Variants in ARRB1 observed in about 807,000 individuals in gnomAD.
The protein encoded by ARRB1 is beta-arrestin-1.
ARRB1 carries 21 observed loss-of-function variants against 56.8 expected under a neutral mutation model. The ratio of observed to expected loss-of-function variants is 0.37; its 90% CI spans 0.26 to 0.53. The LOEUF (loss-of-function observed/expected upper bound fraction) is 0.53, where lower values mean the gene tolerates loss of function less well. Among genes scored for constraint, ARRB1 ranks in the 20% least tolerant of loss-of-function variants. ARRB1 has a pLI of 0.88. For missense variants in ARRB1, 424 were observed against 553.7 expected (o/e 0.77, Z 2.35); for synonymous variants, 210 against 218.6 (o/e 0.96, Z 0.35).
intron 1 of ARRB1, among the ~76,000 whole-genome samples, chr11:75,343,758 G>A (rs1947724845): frequency 6.6e-6 from 1 of 152,040 alleles, no homozygotes; most frequent in South Asian, 2.1e-4. Context: ...GTGCCCAGAG[G>A]AGGCCCCAGA....
At chr11:75,309,337 G>C (rs1428221401) in intron 1 of ARRB1, among the ~76,000 whole-genome samples, 1 of 152,260 alleles carries the variant, frequency 6.6e-6, no homozygotes, top group Non-Finnish European at 1.5e-5. Context: ...TCATTCATTT[G>C]AGAACTTGCC....
rs139084128 is a variant in ARRB1, at chr11:75,341,141, T to G, written c.20+10447A>C. Among the ~76,000 whole-genome samples, 28 of 152,118 alleles carry G rather than the reference T, an allele frequency of 1.8e-4. No homozygotes were observed. The East Asian group carries it at 5.4e-3, about 30-fold the overall frequency. On this transcript the variant is annotated intron_variant, in intron 1 of 15. Transcript: ENST00000420843. The stretch of plus-strand genomic sequence containing the variant: ...CTCAGTCTTGAATGATGATGGCTTT[T>G]TTGTTGTTGTTGTTGAGACAGAGTC...
intron 6 of ARRB1, 36 bp downstream of exon 6, chr11:75,281,926 T>C: frequency 6.2e-7 from 1 of 1,607,816 alleles, no homozygotes; most frequent in East Asian, 2.2e-5. Flanking sequence ...ATGAGACTCC[T>C]GGAGCCAGAG....
chr11:75,302,781 GA>G (rs1441485983), intron 1 of ARRB1, among the ~76,000 whole-genome samples: 8 of 152,144 alleles, frequency 5.3e-5, no homozygotes, highest in African/African-American at 1.7e-4. Context: ...ATGATACTAT[GA>G]AATTGTCATC....
At chr11:75,351,490 C>A in intron 1 of ARRB1, 98 bp downstream of exon 1, 1 of 1,476,214 alleles carries the variant, frequency 6.8e-7, no homozygotes, top group Non-Finnish European at 9.0e-7. Flanking sequence ...CCCGCGGTGG[C>A]CGCGAACGCA....
chr11:75,283,320 C>T lies in ARRB1; in HGVS notation c.321G>A (p.Lys107=). ...TGAAAGGGTAAGCGTGCTCGCCCAG[C>T]TTCTTGATGAGGCGTTCCTGCAGCC... ...LTRLQERLIK[K]LGEHAYPFTF... Residue 107 remains lysine, a synonymous_variant, in exon 5 of 16, where the codon AAG becomes AAA. Transcript: ENST00000420843. 2.5e-6 allele frequency: 4 copies of T among 1,613,194 alleles called. No individual in the cohort carries two copies. Among genetic ancestry groups the T allele is most frequent in the South Asian group, 1.1e-5 (1 of 90,930 alleles).
chr11:75,287,502 T>C, intron 2 of ARRB1, 127 bp from the exon 3 acceptor site: 1 of 900,280 alleles, frequency 1.1e-6, no homozygotes, highest in Non-Finnish European at 1.6e-6. Context: ...ATCAAAATCC[T>C]AAGTGGACTT....
At chr11:75,272,767 G>A (rs1263200446) in intron 12 of ARRB1, 128 bp downstream of exon 12, 3 of 797,554 alleles carry the variant, frequency 3.8e-6, no homozygotes, top group South Asian at 3.2e-5. Context: ...AGAAGGGACA[G>A]GAGGTTCCTC....
intron 1 of ARRB1, among the ~76,000 whole-genome samples, chr11:75,305,057 T>C (rs1455872478): frequency 2.2e-5 from 3 of 138,748 alleles, no homozygotes; most frequent in African/African-American, 7.8e-5. Flanking sequence ...AGAGTCTTGC[T>C]CTGTTGCCCA....
At chr11:75,336,200 G>A (rs985179253) in intron 1 of ARRB1, among the ~76,000 whole-genome samples, 1 of 152,200 alleles carries the variant, frequency 6.6e-6, no homozygotes, top group African/African-American at 2.4e-5. Context: ...AGTAGCTGAG[G>A]GCTCAATATA....
intron 1 of ARRB1, among the ~76,000 whole-genome samples, chr11:75,322,605 T>C (rs1028871605): frequency 3.9e-5 from 6 of 152,110 alleles, no homozygotes; most frequent in African/African-American, 1.4e-4. Flanking sequence ...AGCAGGGACA[T>C]GGGGGCAGGG....
chr11:75,277,475 T>C, intron 8 of ARRB1, 27 bp from the exon 9 acceptor site: 1 of 1,601,484 alleles, frequency 6.2e-7, no homozygotes, highest in South Asian at 1.1e-5. Flanking sequence ...GGGACGGGGT[T>C]GGCTGGGAGG....
intron 1 of ARRB1, among the ~76,000 whole-genome samples, chr11:75,342,638 C>A (rs567442090): frequency 7.4e-4 from 113 of 152,304 alleles, no homozygotes; most frequent in African/African-American, 2.6e-3. Flanking sequence ...GGACTCCCTA[C>A]TCTCCCATGC....
At chr11:75,272,565 CT>C (rs1203876257) in intron 12 of ARRB1, among the ~76,000 whole-genome samples, 1 of 152,176 alleles carries the variant, frequency 6.6e-6, no homozygotes, top group African/African-American at 2.4e-5. Context: ...GATGGCACCC[CT>C]GGGGACCCCA....
intron 1 of ARRB1, among the ~76,000 whole-genome samples, chr11:75,306,209 C>G (rs575611438): frequency 1.1e-4 from 17 of 152,274 alleles, no homozygotes; most frequent in Admixed American, 1.0e-3. Flanking sequence ...TCCCAGAGCC[C>G]ATGAAAAGGA....
intron 12 of ARRB1, 121 bp from the exon 13 acceptor site, chr11:75,271,845 A>T (rs1321745546): frequency 2.0e-6 from 2 of 1,014,686 alleles, no homozygotes; most frequent in African/African-American, 3.3e-5. Flanking sequence ...CACGGGACAC[A>T]CTCCCACCCA....
Position 75,286,255 on chromosome 11 carries a change from C to CT in ARRB1, c.112+1059dup, listed in dbSNP as rs60988072. Among the ~76,000 whole-genome samples, 29 of 38,736 alleles carry CT rather than the reference C, an allele frequency of 7.5e-4. 2 individuals carry two copies. The highest frequency in any genetic ancestry group is 1.9e-3 in the African/African-American group (18 of 9,284). The allele number at this position is 38,736 out of a possible 152,430, so 25.4% of individuals were successfully genotyped here. A position where few individuals can be genotyped will look rare whatever the true frequency, so the allele number is the denominator to read the frequency against. On this transcript the variant is annotated intron_variant, in intron 3 of 15. Coordinates refer to ENST00000420843, the MANE Select transcript of ARRB1 (RefSeq NM_004041.5). Reference sequence around the variant, plus strand: ...CTAGGCCTCACTTTGATTTGCTCATCTTTTTTTTTTTTTTTTTTTTTTTTT... The same window carrying CT: ...CTAGGCCTCACTTTGATTTGCTCATCTTTTTTTTTTTTTTTTTTTTTTTTTT...
At chr11:75,290,283 G>C (rs1946576943) in intron 1 of ARRB1, among the ~76,000 whole-genome samples, 1 of 152,202 alleles carries the variant, frequency 6.6e-6, no homozygotes, top group Admixed American at 6.5e-5. Flanking sequence ...GTCTTTGCAG[G>C]GCAGGCTGCG....
chr11:75,314,610 G>GC (rs796549134), intron 1 of ARRB1, among the ~76,000 whole-genome samples: 1 of 150,982 alleles, frequency 6.6e-6, no homozygotes, highest in East Asian at 1.9e-4. Context: ...ACAACAGCAC[G>GC]TTTTTTTTTC....
Sources: gnomAD v4.1 joint callset for allele counts (sites outside exome capture counted in the v4.1 genomes callset) on GRCh38, gnomAD v4.1.1 for gene constraint, MANE v1.5 for transcripts, NCBI Gene and HGNC (gene_info 2026-07-23, HGNC 2026-07-21) for gene names.